The following DRICH1 variants were observed in gnomAD, a reference collection of about 807,000 sequenced individuals.
DRICH1 encodes aspartate rich 1.
A neutral mutation model predicts 39.5 loss-of-function variants in DRICH1; 38 were observed. That is an observed-to-expected ratio of 0.96 (90% CI 0.74 to 1.26). The LOEUF (loss-of-function observed/expected upper bound fraction) is 1.26. DRICH1 is among the 50% of genes most tolerant of loss of function. DRICH1 has a pLI of 0.00. For missense variants in DRICH1, 279 were observed against 270.4 expected, an observed-to-expected ratio of 1.03 and a Z score of -0.22; for synonymous variants, 84 against 99.5, an observed-to-expected ratio of 0.84 and a Z score of 0.93.
In DRICH1 at chr22:23,613,999, A is replaced by C. The variant is rs1927196096; in HGVS notation, c.621+136T>G. On this transcript the variant is annotated intron_variant, in intron 9 of 11. Transcript: ENST00000317749. ...ATAAGTTGGGAAGACACTCCTATGG[A>C]ATTCCAGCCCCACAAAGAGAATAGT... 3.6e-5 allele frequency: 24 copies of C among 666,984 alleles called. No individual in the cohort carries two copies. The South Asian group carries it at 4.5e-4, about 12-fold the overall frequency. 41.3% of individuals were successfully genotyped at this position (666,984 alleles called of 1,614,324 possible). A position where few individuals can be genotyped will look rare whatever the true frequency, so the allele number is the denominator to read the frequency against.
At position 23,614,215 on chromosome 22, in the gene DRICH1, C is replaced by T. The variant is rs1220041409; in HGVS notation, c.542-1G>A. ...AAAAACAGGCTATCTTCAGAACAAG[C>T]TGGAAGGACACAGAGGAAAGATCAG... On this transcript the variant is annotated splice_acceptor_variant, in intron 8 of 11. Coordinates refer to ENST00000317749, the MANE Select transcript of DRICH1 (RefSeq NM_016449.4). LOFTEE classifies it high-confidence loss of function. 1.9e-6 allele frequency: 3 copies of T among 1,611,318 alleles called. No individual in the cohort carries two copies. In the African/African-American group the frequency reaches 4.0e-5, roughly 22 times the overall value.
At chr22:23,619,562 C>CAGATATAGA (rs1927588694) in intron 5 of DRICH1, among the ~76,000 whole-genome samples, 169 bp from the exon 6 acceptor site, 1 of 96,198 alleles carries the variant, frequency 1.0e-5, no homozygotes, top group South Asian at 3.0e-4. Flanking sequence ...GGAGGTATCA[C>CAGATATAGA]AGATATAGAA....
chr22:23,615,931 A>G (rs1446021494), intron 8 of DRICH1, among the ~76,000 whole-genome samples: 2 of 152,212 alleles, frequency 1.3e-5, no homozygotes, highest in Non-Finnish European at 2.9e-5. Context: ...AATGATGGTA[A>G]AACTGCATAT....
chr22:23,632,229 A>T lies in DRICH1; in HGVS notation c.-206T>A. On this transcript the variant is annotated 5_prime_UTR_variant, in exon 1 of 12. Coordinates refer to ENST00000317749, the MANE Select transcript of DRICH1 (RefSeq NM_016449.4). ...CAGGGACCTGCTGTCTTCTTTGAAA[A>T]ATAAACGAACATGACAAGCACCCAA... The T allele has an allele frequency of 8.6e-6, 7 of 815,218 alleles. No homozygotes were observed. In the South Asian group the frequency reaches 1.3e-4, roughly 15 times the overall value. 50.5% of individuals were successfully genotyped at this position (815,218 alleles called of 1,614,324 possible). A position where few individuals can be genotyped will look rare whatever the true frequency, so the allele number is the denominator to read the frequency against.
Position 23,614,222 on chromosome 22 carries a change from GAC to G in DRICH1, c.542-10_542-9del. On this transcript the variant is annotated splice_polypyrimidine_tract_variant and intron_variant, in intron 8 of 11. Transcript: ENST00000317749. ...GGCTATCTTCAGAACAAGCTGGAAG[GAC>G]ACAGAGGAAAGATCAGTGCACCGGT... 6.2e-7 allele frequency: 1 copy of G among 1,608,184 alleles called. No individual in the cohort carries two copies. The highest frequency in any genetic ancestry group is 8.5e-7 in the Non-Finnish European group (1 of 1,174,584).
rs1357052988 is a variant in DRICH1 at position 23,632,037 on chromosome 22, G to A, written c.-14C>T. The A allele has an allele frequency of 2.5e-6, 4 of 1,612,214 alleles. No homozygotes were observed. The highest frequency in any genetic ancestry group is 8.5e-7 in the Non-Finnish European group (1 of 1,179,676). ...TATATTCCCCATGGGGCCTCTCCAT[G>A]CCTCTCCACTCCTGCCTCAGCCTTC... On this transcript the variant is annotated 5_prime_UTR_variant, in exon 1 of 12. Transcript: ENST00000317749.
At chr22:23,594,850 G>A in the DRICH1 span, among the ~76,000 whole-genome samples, 19 of 151,910 alleles carry the variant, frequency 1.3e-4, no homozygotes, top group East Asian at 3.3e-3. Flanking sequence ...GGGCCTGGAG[G>A]TGACACCTCC....
At chr22:23,617,872 C>T (rs1432341339) in intron 6 of DRICH1, among the ~76,000 whole-genome samples, 2 of 152,098 alleles carry the variant, frequency 1.3e-5, no homozygotes, top group African/African-American at 4.8e-5. Flanking sequence ...AACAGTCAAC[C>T]CCAAATGGAA....
the DRICH1 span, among the ~76,000 whole-genome samples, chr22:23,596,140 G>A: frequency 2.6e-5 from 4 of 152,244 alleles, no homozygotes; most frequent in South Asian, 4.1e-4. Flanking sequence ...TCATTTCTCC[G>A]TGTTTCCCTT....
chr22:23,607,508 G>A (rs1452177170), downstream of DRICH1, among the ~76,000 whole-genome samples: 1 of 148,630 alleles, frequency 6.7e-6, no homozygotes, highest in Non-Finnish European at 1.5e-5. Flanking sequence ...CCCTGCCTTG[G>A]CCGTGGCCAT....
At chr22:23,590,370 T>C in the DRICH1 span, among the ~76,000 whole-genome samples, 4 of 151,368 alleles carry the variant, frequency 2.6e-5, no homozygotes, top group African/African-American at 9.7e-5. Flanking sequence ...CTCCACCTCT[T>C]GGGTTCAAGC....
chr22:23,610,840 A>G (rs1215439676), intron 11 of DRICH1, among the ~76,000 whole-genome samples: 1 of 151,296 alleles, frequency 6.6e-6, no homozygotes, highest in Non-Finnish European at 1.5e-5. Flanking sequence ...ACATAGTAAG[A>G]CCCAGTGTGG....
At chr22:23,588,995 C>T in the DRICH1 span, among the ~76,000 whole-genome samples, 1 of 151,966 alleles carries the variant, frequency 6.6e-6, no homozygotes, top group African/African-American at 2.4e-5. Context: ...AAACTAGGCT[C>T]ATATAACCCA....
At chr22:23,627,068 A>ATTTTTT (rs141545226) in intron 1 of DRICH1, among the ~76,000 whole-genome samples, 1 of 127,356 alleles carries the variant, frequency 7.9e-6, no homozygotes, top group Non-Finnish European at 1.6e-5. Context: ...TGAGGTTCTG[A>ATTTTTT]TTTTTTTTTT....
At chr22:23,594,946 GAA>G in the DRICH1 span, among the ~76,000 whole-genome samples, 1 of 148,456 alleles carries the variant, frequency 6.7e-6, no homozygotes, top group Non-Finnish European at 1.5e-5. Flanking sequence ...AAATGTTGAT[GAA>G]GTCCCCAGAC....
chr22:23,597,563 G>C, the DRICH1 span, among the ~76,000 whole-genome samples: 4 of 151,920 alleles, frequency 2.6e-5, no homozygotes, highest in East Asian at 1.9e-4. Context: ...ATAAACTGTT[G>C]GTTGGGAGCC....
chr22:23,625,463 G>A (rs1928003477), intron 2 of DRICH1, among the ~76,000 whole-genome samples: 2 of 152,090 alleles, frequency 1.3e-5, no homozygotes, highest in Admixed American at 6.5e-5. Context: ...GGCAATGCCT[G>A]CTTGTTGGGC....
At chr22:23,596,342 C>T in the DRICH1 span, among the ~76,000 whole-genome samples, 1 of 152,154 alleles carries the variant, frequency 6.6e-6, no homozygotes, top group East Asian at 1.9e-4. Flanking sequence ...CTCACTGTAG[C>T]CTTGATCTAC....
At chr22:23,614,279 T>A (rs566819064) in intron 8 of DRICH1, 65 bp from the exon 9 acceptor site, 3 of 1,156,858 alleles carry the variant, frequency 2.6e-6, no homozygotes, top group Non-Finnish European at 3.9e-6. Context: ...CTCGGGGAGC[T>A]TTGCTGGATG....
Sources: allele counts gnomAD v4.1 joint callset (sites outside exome capture counted in the v4.1 genomes callset), GRCh38; gene constraint gnomAD v4.1.1; transcripts MANE v1.5; gene names NCBI Gene and HGNC (gene_info 2026-07-23, HGNC 2026-07-21).